The following BBX variants were observed in gnomAD, a reference collection of about 807,000 sequenced individuals.
BBX encodes the protein BBX high mobility group box domain containing, also known as HMG box transcription factor BBX.
Under a neutral mutation model 100.2 loss-of-function variants are expected in BBX, and 30 were observed. That is an observed-to-expected ratio of 0.30 (90% CI 0.22 to 0.41). The LOEUF (loss-of-function observed/expected upper bound fraction) is 0.41, where lower values mean the gene tolerates loss of function less well. Ranked by LOEUF, BBX falls within the 10% of genes least tolerant of loss-of-function variation. The pLI is 1.00. For missense variants in BBX, 1,023 were observed against 1,129.8 expected (o/e 0.91, Z 1.35); for synonymous variants, 376 against 388.1 (o/e 0.97, Z 0.37).
intron 3 of BBX, among the ~76,000 whole-genome samples, chr3:107,703,632 C>T (rs2061216969): frequency 6.6e-6 from 1 of 152,168 alleles, no homozygotes; most frequent in Non-Finnish European, 1.5e-5. Context: ...ACTTGAAGAG[C>T]TACTGCTTTT....
intron 3 of BBX, among the ~76,000 whole-genome samples, chr3:107,664,545 C>G (rs939495962): frequency 2.0e-5 from 3 of 152,138 alleles, no homozygotes; most frequent in Non-Finnish European, 2.9e-5. Context: ...GTTAGTTTTA[C>G]TCTTTGTGGA....
At chr3:107,655,438 A>G (rs2058072847) in intron 3 of BBX, among the ~76,000 whole-genome samples, 1 of 151,988 alleles carries the variant, frequency 6.6e-6, no homozygotes, top group Non-Finnish European at 1.5e-5. Context: ...TAATTATTTG[A>G]ACAAAACAAG....
chr3:107,683,030 A>G (rs1277539656), intron 3 of BBX, among the ~76,000 whole-genome samples: 1 of 152,160 alleles, frequency 6.6e-6, no homozygotes, highest in Non-Finnish European at 1.5e-5. Context: ...ATGCATGGAG[A>G]CAAAAATATC....
At chr3:107,713,175 A>G (rs562754808) in intron 4 of BBX, among the ~76,000 whole-genome samples, 2 of 152,246 alleles carry the variant, frequency 1.3e-5, no homozygotes, top group African/African-American at 2.4e-5. Context: ...TTCAGATCCA[A>G]TTAGTTACCA....
Position 107,616,005 on chromosome 3 carries a change from CTTTTTTTTTTTTTTTTTT to C in BBX, c.-83-29811_-83-29794del, listed in dbSNP as rs59614452. Among the ~76,000 whole-genome samples the C allele has an allele frequency of 1.5e-3, 29 of 19,248 alleles. 1 individual carries two copies. The highest frequency in any genetic ancestry group is 4.6e-3 in the African/African-American group (18 of 3,934). 12.6% of individuals were successfully genotyped at this position (19,248 alleles called of 152,430 possible). A position where few individuals can be genotyped will look rare whatever the true frequency, so the allele number is the denominator to read the frequency against. ...AGGAGAAGCACACGCTACTCACCTG[CTTTTTTTTTTTTTTTTTT>C]TTTTTTTTTTTTTTTTTTTGCTGTT... On this transcript the variant is annotated intron_variant, in intron 2 of 17. Coordinates refer to ENST00000325805, the MANE Select transcript of BBX (RefSeq NM_001142568.3).
rs10804464 is a variant in BBX at position 107,810,408 on chromosome 3, G to A, written c.*4951G>A. 19,839 of 152,066 alleles carry A rather than the reference G, an allele frequency of 0.13. 1,379 individuals are homozygous for A. Among genetic ancestry groups the A allele is most frequent in the Middle Eastern group, 0.18 (53 of 296 alleles). The allele number at this position is 152,066 out of a possible 1,614,324, so 9.4% of individuals were successfully genotyped here. ...AGAACTAGTTATTGTGAACATTACT[G>A]CTCCCTCCAAAGATTTCCTGATAAC... is the stretch of plus-strand genomic sequence containing the variant. On this transcript the variant is annotated 3_prime_UTR_variant, in exon 18 of 18. Transcript: ENST00000325805.
intron 2 of BBX, among the ~76,000 whole-genome samples, chr3:107,537,758 A>G (rs1475638230): frequency 6.6e-6 from 1 of 152,140 alleles, no homozygotes; most frequent in African/African-American, 2.4e-5. Context: ...ACTCAGTTTT[A>G]TTTGTGGCCC....
chr3:107,592,000 GT>G (rs1169850099), intron 2 of BBX, among the ~76,000 whole-genome samples: 1 of 152,216 alleles, frequency 6.6e-6, no homozygotes, highest in East Asian at 1.9e-4. Flanking sequence ...TGCAAAAAAT[GT>G]TATTTTTGAA....
intron 2 of BBX, among the ~76,000 whole-genome samples, chr3:107,538,508 T>A (rs1448103355): frequency 6.6e-6 from 1 of 152,184 alleles, no homozygotes; most frequent in Non-Finnish European, 1.5e-5. Context: ...AGAATTAGGA[T>A]GATCGATACT....
intron 2 of BBX, among the ~76,000 whole-genome samples, chr3:107,550,998 T>G (rs2107423428): frequency 6.6e-6 from 1 of 152,336 alleles, no homozygotes; most frequent in South Asian, 2.1e-4. Flanking sequence ...CAAATCAAAT[T>G]TCCTGGAACA....
In BBX at chr3:107,687,173, G is replaced by A. The variant is rs140918553; in HGVS notation, c.-9-23279G>A. Among the ~76,000 whole-genome samples, 628 of 152,118 alleles carry A rather than the reference G, an allele frequency of 4.1e-3. 11 individuals are homozygous for A. The highest frequency in any genetic ancestry group is 0.022 in the East Asian group (113 of 5,184). ...AGAAGTTAAAAAACAACTTAGTGACGGCTTACAAAATTCAGCTTTAAGCCA... is the reference window on the plus strand; with the variant it reads ...AGAAGTTAAAAAACAACTTAGTGACAGCTTACAAAATTCAGCTTTAAGCCA... On this transcript the variant is annotated intron_variant, in intron 3 of 17. Transcript: ENST00000325805.
chr3:107,628,214 T>C (rs966964896), intron 2 of BBX, among the ~76,000 whole-genome samples: 4 of 152,068 alleles, frequency 2.6e-5, no homozygotes, highest in African/African-American at 7.2e-5. Flanking sequence ...ACTTTAAAGA[T>C]AGAAATTCTA....
chr3:107,571,087 G>T (rs1335158752), intron 2 of BBX, among the ~76,000 whole-genome samples: 1 of 152,120 alleles, frequency 6.6e-6, no homozygotes, highest in African/African-American at 2.4e-5. Flanking sequence ...AGTTAAAGAG[G>T]TTTTAAGTTT....
intron 2 of BBX, among the ~76,000 whole-genome samples, chr3:107,586,684 C>G (rs2052864281): frequency 6.6e-6 from 1 of 151,936 alleles, no homozygotes; most frequent in Non-Finnish European, 1.5e-5. Flanking sequence ...CAAGGCTAAG[C>G]AAGTTTGAGA....
At chr3:107,739,122 CTT>C (rs1276408856) in intron 7 of BBX, among the ~76,000 whole-genome samples, 1 of 152,082 alleles carries the variant, frequency 6.6e-6, no homozygotes, top group Non-Finnish European at 1.5e-5. Flanking sequence ...AAAATGGAAA[CTT>C]TTCACTTTCT....
chr3:107,652,114 C>T (rs761768183), intron 3 of BBX, among the ~76,000 whole-genome samples: 24 of 152,122 alleles, frequency 1.6e-4, no homozygotes, highest in Non-Finnish European at 2.9e-4. Flanking sequence ...TTAGGTAAGT[C>T]AGTTGATGGG....
intron 7 of BBX, among the ~76,000 whole-genome samples, chr3:107,737,151 G>A (rs920833722): frequency 6.6e-6 from 1 of 151,918 alleles, no homozygotes; most frequent in African/African-American, 2.4e-5. Flanking sequence ...AAGCTGTAAG[G>A]CACTTTTAAC....
At chr3:107,735,858 T>C (rs2063601944) in intron 7 of BBX, among the ~76,000 whole-genome samples, 1 of 152,112 alleles carries the variant, frequency 6.6e-6, no homozygotes, top group Non-Finnish European at 1.5e-5. Flanking sequence ...ATTTTTTGCA[T>C]TATTATTTCA....
intron 5 of BBX, among the ~76,000 whole-genome samples, chr3:107,727,097 C>T (rs1300331423): frequency 6.6e-6 from 1 of 151,864 alleles, no homozygotes; most frequent in African/African-American, 2.4e-5. Flanking sequence ...AAACTACCCC[C>T]CCCAAAAAAA....
Sources: allele counts gnomAD v4.1 joint callset (sites outside exome capture counted in the v4.1 genomes callset), GRCh38; gene constraint gnomAD v4.1.1; transcripts MANE v1.5; gene names NCBI Gene and HGNC (gene_info 2026-07-23, HGNC 2026-07-21).